DDX3X: variants seen among roughly 807,000 people sequenced by gnomAD.
DDX3X encodes the protein ATP-dependent RNA helicase DDX3X.
Under a neutral mutation model 52.7 loss-of-function variants are expected in DDX3X, and 4 were observed. The ratio of observed to expected loss-of-function variants is 0.08; its 90% CI spans 0.04 to 0.17. The LOEUF is 0.17. Among genes scored for constraint, DDX3X ranks in the 10% least tolerant of loss-of-function variants. The pLI is 1.00. For missense variants in DDX3X, 222 were observed against 548.6 expected, an observed-to-expected ratio of 0.40 and a Z score of 5.95; for synonymous variants, 192 against 178.1, an observed-to-expected ratio of 1.08 and a Z score of -0.62.
Position 41,347,380 on chromosome X carries a change from T to G in DDX3X, c.1838T>G (p.Phe613Cys). The G allele has an allele frequency of 8.3e-7, 1 of 1,211,831 alleles. No individual in the cohort carries two copies. Among genetic ancestry groups the G allele is most frequent in the Non-Finnish European group, 1.1e-6 (1 of 895,404 alleles). Reference sequence around the variant, plus strand: ...AGTAGCGGTGCCAGCAGTTCCAGCTTCAGCAGCAGCCGCGCAAGCAGCAGC... The same window carrying G: ...AGTAGCGGTGCCAGCAGTTCCAGCTGCAGCAGCAGCCGCGCAAGCAGCAGC... ...RQSSGASSSSFSSSRASSSRS... is the reference protein window; with the variant it reads ...RQSSGASSSSCSSSRASSSRS... The change falls in exon 16 of 17, where the codon TTC (phenylalanine) becomes TGC (cysteine). Residue 613 changes from phenylalanine (F) to cysteine (C), a missense_variant. Physicochemically the swap from Phe to Cys is radical, Grantham distance 205 (BLOSUM62 -2). Around this residue, in one of 5 missense-constraint regions of DDX3X, gnomAD observed 38 missense variants for 52.0 expected, o/e 0.73. Transcript: ENST00000644876.
chrX:41,343,681 C>G lies in DDX3X; in HGVS notation c.680-56C>G, dbSNP rs2063883730. 7.8e-6 allele frequency: 8 copies of G among 1,030,575 alleles called. No individual in the cohort carries two copies. In the Admixed American group the frequency reaches 1.9e-4, roughly 24 times the overall value. The allele number at this position is 1,030,575 out of a possible 1,213,427, so 84.9% of individuals were successfully genotyped here. On this transcript the variant is annotated intron_variant, in intron 7 of 16. Transcript: ENST00000644876. The stretch of plus-strand genomic sequence containing the variant: ...TAGGGTAGTTAAAAAACACTGTCAT[C>G]TACCAATGTCTGTTTAAAAGTAATG...
intron 7 of DDX3X, 117 bp downstream of exon 7, chrX:41,343,468 CTG>C (rs1255916915): frequency 1.5e-6 from 1 of 680,550 alleles, no homozygotes; most frequent in Non-Finnish European, 2.1e-6. Flanking sequence ...TGCTATTGGA[CTG>C]TGAAAGAAGC....
intron 1 of DDX3X, chrX:41,335,678 A>G (rs1053276538): frequency 8.9e-6 from 1 of 112,232 alleles, no homozygotes; most frequent in African/African-American, 3.2e-5. Context: ...AATTGAATAC[A>G]TAGTTTAATG....
intron 4 of DDX3X, 165 bp from the exon 5 acceptor site, chrX:41,342,321 GTTATGTAAA>G: frequency 2.1e-6 from 1 of 482,262 alleles, no homozygotes; most frequent in South Asian, 4.0e-5. Flanking sequence ...AGAAAACGAG[GTTATGTAAA>G]TGATGCTGGT....
Position 41,347,503 on chromosome X carries a change from G to T in DDX3X, c.1909+52G>T, listed in dbSNP as rs2063942423. On this transcript the variant is annotated intron_variant, in intron 16 of 16. Coordinates refer to ENST00000644876, the MANE Select transcript of DDX3X (RefSeq NM_001356.5). ...TTTGGGAAGGGTTTTTTTCCTTTTA[G>T]TCATCTTTTTCAAAGCCTAATTAAA... The T allele has an allele frequency of 3.4e-6, 4 of 1,189,227 alleles. No individual in the cohort carries two copies. The African/African-American group carries it at 7.1e-5, about 21-fold the overall frequency.
intron 12 of DDX3X, 185 bp downstream of exon 12, chrX:41,345,733 G>T: frequency 2.4e-6 from 1 of 419,319 alleles, no homozygotes. Flanking sequence ...CTTGCTTCCG[G>T]GAGGTTACCA....
At chrX:41,344,185 A>G (rs758861097) in intron 9 of DDX3X, 54 bp from the exon 10 acceptor site, 1 of 1,189,298 alleles carries the variant, frequency 8.4e-7, no homozygotes, top group Non-Finnish European at 1.1e-6. Flanking sequence ...TAAATGTTTT[A>G]TGAACATGTA....
In DDX3X at chrX:41,347,725, C is replaced by T. The variant is rs776609516; in HGVS notation, c.*6C>T. On this transcript the variant is annotated 3_prime_UTR_variant, in exon 17 of 17. Coordinates refer to ENST00000644876, the MANE Select transcript of DDX3X (RefSeq NM_001356.5). ...TTGACTGGTGGGGTAACTGAGCCTG[C>T]TTTGCAGTAGGTCACCCTGCCAAAC... is the stretch of plus-strand genomic sequence containing the variant. 8.7e-7 allele frequency: 1 copy of T among 1,150,247 alleles called. No individual in the cohort carries two copies. Among genetic ancestry groups the T allele is most frequent in the Admixed American group, 2.4e-5 (1 of 41,185 alleles). 94.8% of individuals were successfully genotyped at this position (1,150,247 alleles called of 1,213,427 possible).
chrX:41,347,915 G>A lies in DDX3X; in HGVS notation c.*196G>A, dbSNP rs1342056503. On this transcript the variant is annotated 3_prime_UTR_variant, in exon 17 of 17. Coordinates refer to ENST00000644876, the MANE Select transcript of DDX3X (RefSeq NM_001356.5). Reference sequence around the variant, plus strand: ...GAACAATCAGCAGCCCTGTTCAGAAGGTGGTTTGAAGACTTCATTGCTGTA... The same window carrying A: ...GAACAATCAGCAGCCCTGTTCAGAAAGTGGTTTGAAGACTTCATTGCTGTA... The A allele has an allele frequency of 2.5e-6, 1 of 392,539 alleles. No individual in the cohort carries two copies. Among genetic ancestry groups the A allele is most frequent in the Admixed American group, 5.3e-5 (1 of 18,780 alleles). The allele number at this position is 392,539 out of a possible 1,213,427, so 32.3% of individuals were successfully genotyped here. A position where few individuals can be genotyped will look rare whatever the true frequency, so the allele number is the denominator to read the frequency against.
At position 41,343,139 on chromosome X, in the gene DDX3X, G is replaced by A; in HGVS notation, c.544-77G>A. ...AAACTGAGTTACCAATCAGCTGTTG[G>A]TTGGTTGTTTCCATTATTAGTATAA... On this transcript the variant is annotated intron_variant, in intron 6 of 16. Transcript: ENST00000644876. 9 of 1,051,509 alleles carry A rather than the reference G, an allele frequency of 8.6e-6. No homozygotes were observed. In the South Asian group the frequency reaches 1.0e-4, roughly 12 times the overall value. 86.7% of individuals were successfully genotyped at this position (1,051,509 alleles called of 1,213,427 possible). A position where few individuals can be genotyped will look rare whatever the true frequency, so the allele number is the denominator to read the frequency against.
chrX:41,360,520 G>T (rs765917831), intron 5 of DDX3X, among the ~76,000 whole-genome samples: 1 of 108,251 alleles, frequency 9.2e-6, no homozygotes, highest in South Asian at 4.1e-4. Context: ...TCGGCTCACC[G>T]CAACCTTTGT....
At chrX:41,355,494 G>T (rs2064004619) in intron 5 of DDX3X, among the ~76,000 whole-genome samples, 1 of 109,935 alleles carries the variant, frequency 9.1e-6, no homozygotes, top group Admixed American at 9.8e-5. Context: ...TTGAGACAGG[G>T]TCCCACTCTG....
intron 5 of DDX3X, among the ~76,000 whole-genome samples, chrX:41,362,290 T>C (rs923768132): frequency 2.7e-5 from 3 of 110,385 alleles, no homozygotes; most frequent in African/African-American, 9.9e-5. Context: ...GGTTTTGCCA[T>C]GTTGGCCAGG....
intron 10 of DDX3X, 155 bp downstream of exon 10, chrX:41,344,554 C>T: frequency 1.6e-6 from 1 of 627,532 alleles, no homozygotes; most frequent in South Asian, 2.4e-5. Flanking sequence ...TCTCCTGCCT[C>T]AGCCTCCCAG....
At chrX:41,341,982 T>G in intron 4 of DDX3X, 1 of 165,757 alleles carries the variant, frequency 6.0e-6, no homozygotes. Flanking sequence ...CTAATAGCTG[T>G]GGTTAGTCCT....
rs756197314 is a variant in DDX3X at position 41,347,394 on chromosome X, G to A, written c.1852G>A (p.Ala618Thr). ...CAGTTCCAGCTTCAGCAGCAGCCGC[G>A]CAAGCAGCAGCCGCAGTGGCGGAGG... ...ASSSSFSSSR[A>T]SSSRSGGGGH... The change falls in exon 16 of 17, where the codon GCA becomes ACA. Residue 618 changes from alanine to threonine, a missense_variant. Around this residue, in one of 5 missense-constraint regions of DDX3X, gnomAD observed 38 missense variants for 52.0 expected, o/e 0.73. Transcript: ENST00000644876. The A allele has an allele frequency of 3.8e-5, 46 of 1,209,639 alleles. 1 individual carries two copies. Among genetic ancestry groups the A allele is most frequent in the South Asian group, 2.3e-4 (13 of 56,836 alleles).
chrX:41,334,092 C>G, upstream of DDX3X: 2 of 485,991 alleles, frequency 4.1e-6, no homozygotes, highest in Non-Finnish European at 7.1e-6. Context: ...AGGGAGGGCA[C>G]ACGTTGTACG....
At chrX:41,354,344 C>CTTTTTTTTTT (rs60965317), downstream of DDX3X, among the ~76,000 whole-genome samples, 1,515 of 69,777 alleles carry the variant, frequency 0.022, 209 homozygotes, top group African/African-American at 0.086. Context: ...TGTGCTACCT[C>CTTTTTTTTTT]TTTTTTTTTT....
At chrX:41,341,767 C>G in intron 4 of DDX3X, 151 bp downstream of exon 4, 1 of 468,132 alleles carries the variant, frequency 2.1e-6, no homozygotes, top group Non-Finnish European at 3.5e-6. Context: ...GAACCTGTTA[C>G]TTAGAAATTA....
Sources: gnomAD v4.1 joint callset for allele counts (sites outside exome capture counted in the v4.1 genomes callset) on GRCh38, gnomAD v4.1.1 for gene constraint, gnomAD v4.1.1 regional missense constraint, MANE v1.5 for transcripts, NCBI Gene and HGNC (gene_info 2026-07-23, HGNC 2026-07-21) for gene names.